Variants in LINGO1 observed in about 807,000 individuals in gnomAD.
LINGO1 encodes the protein leucine-rich repeat and immunoglobulin-like domain-containing nogo receptor-interacting protein 1.
In LINGO1, 11 loss-of-function variants were observed where a neutral mutation model predicts 37.3. That is an observed-to-expected ratio of 0.29 (90% CI 0.19 to 0.49). The LOEUF (loss-of-function observed/expected upper bound fraction) is 0.49, where lower values mean the gene tolerates loss of function less well. LINGO1 is among the 20% of genes least tolerant of loss of function. LINGO1 has a pLI of 0.99. For missense variants in LINGO1, 585 were observed against 878.2 expected (o/e 0.67, Z 4.22); for synonymous variants, 387 against 403.0 (o/e 0.96, Z 0.48).
chr15:77,636,758 G>A (rs193036437), upstream of LINGO1, among the ~76,000 whole-genome samples: 180 of 152,276 alleles, frequency 1.2e-3, no homozygotes, highest in African/African-American at 4.2e-3. Context: ...TCCAGAAGGT[G>A]GGGGCCATGT....
chr15:77,773,335 G>A (rs905525171), intron 1 of LINGO1, among the ~76,000 whole-genome samples: 3 of 152,334 alleles, frequency 2.0e-5, no homozygotes, highest in African/African-American at 7.2e-5. Context: ...AATGTGGCCA[G>A]CATGAATGAA....
intron 1 of LINGO1, among the ~76,000 whole-genome samples, chr15:77,616,400 C>A (rs990176093): frequency 1.3e-5 from 2 of 152,208 alleles, no homozygotes; most frequent in African/African-American, 2.4e-5. Flanking sequence ...CTAGCCTGCA[C>A]GGCCAGGGCT....
chr15:77,655,379 C>T (rs1359211873), intron 3 of LINGO1, among the ~76,000 whole-genome samples: 1 of 152,130 alleles, frequency 6.6e-6, no homozygotes, highest in Non-Finnish European at 1.5e-5. Context: ...TTCTTCCTCC[C>T]ATCCCACCTT....
chr15:77,721,116 G>A (rs2076045522), intron 2 of LINGO1, among the ~76,000 whole-genome samples: 1 of 152,044 alleles, frequency 6.6e-6, no homozygotes, highest in Admixed American at 6.5e-5. Context: ...AGCCAAGGTC[G>A]TTTCCTCCTG....
chr15:77,614,402 G>A lies in LINGO1; in HGVS notation c.1505C>T (p.Ala502Val), dbSNP rs751631731. The A allele has an allele frequency of 4.3e-6, 7 of 1,612,914 alleles. No homozygotes were observed. Among genetic ancestry groups the A allele is most frequent in the Admixed American group, 1.7e-5 (1 of 59,992 alleles). Reference protein sequence around the residue: ...NGTYLCIAANAGGNDSMPAHL... With the variant: ...NGTYLCIAANVGGNDSMPAHL... ...GGCGGGCATGGAGTCGTTGCCGCCCGCGTTGGCCGCGATGCACAGGTACGT... is the reference window on the plus strand; with the variant it reads ...GGCGGGCATGGAGTCGTTGCCGCCCACGTTGGCCGCGATGCACAGGTACGT... Residue 502 changes from alanine to valine, a missense_variant, in exon 2 of 2, where the codon GCG (alanine) becomes GTG (valine). Ala to Val is a moderately conservative substitution (Grantham distance 64). Coordinates refer to ENST00000355300, the MANE Select transcript of LINGO1 (RefSeq NM_032808.7).
chr15:77,630,358 T>G (rs572990430), intron 1 of LINGO1, among the ~76,000 whole-genome samples: 1 of 152,280 alleles, frequency 6.6e-6, no homozygotes, highest in East Asian at 1.9e-4. Context: ...GCACCACACA[T>G]GAGCCCTCAC....
intron 1 of LINGO1, among the ~76,000 whole-genome samples, chr15:77,817,198 G>A (rs1244369666): frequency 1.3e-5 from 2 of 152,164 alleles, no homozygotes; most frequent in Non-Finnish European, 2.9e-5. Flanking sequence ...ACTCCAGGCT[G>A]CCAGCAGGAC....
At chr15:77,699,885 G>T (rs979087150), upstream of LINGO1, among the ~76,000 whole-genome samples, 2 of 151,988 alleles carry the variant, frequency 1.3e-5, no homozygotes, top group Non-Finnish European at 2.9e-5. Flanking sequence ...AAGTTTACCT[G>T]CTAACCAGCT....
chr15:77,790,224 A>T (rs1269380631), upstream of LINGO1, among the ~76,000 whole-genome samples: 1 of 152,162 alleles, frequency 6.6e-6, no homozygotes, highest in East Asian at 1.9e-4. Context: ...GGCCCCTCAC[A>T]TTGGGACACT....
chr15:77,753,855 C>T (rs569702111), intron 1 of LINGO1, among the ~76,000 whole-genome samples: 1 of 152,210 alleles, frequency 6.6e-6, no homozygotes, highest in African/African-American at 2.4e-5. Flanking sequence ...CTGGGCATTG[C>T]CACTCACCCA....
upstream of LINGO1, among the ~76,000 whole-genome samples, chr15:77,638,636 G>A (rs1039087638): frequency 2.6e-5 from 4 of 152,138 alleles, no homozygotes; most frequent in Non-Finnish European, 4.4e-5. Context: ...AACTTAAGTC[G>A]GAGCCTGTTA....
At position 77,724,129 on chromosome 15, in the gene LINGO1, G is replaced by A. The variant is rs575261663; in HGVS notation, c.-195+10863C>T. On this transcript the variant is annotated intron_variant, in intron 2 of 3. Transcript: ENST00000561686. ...GGAGCAGGAGCGGGGAGTGGGGAGG[G>A]GGGCCCCTTCCTCTTATCCAATGGC... is the stretch of plus-strand genomic sequence containing the variant. 3.0e-3 allele frequency among the ~76,000 whole-genome samples: 450 copies of A among 152,268 alleles called. 3 individuals are homozygous for A. Among genetic ancestry groups the A allele is most frequent in the African/African-American group, 0.01 (427 of 41,534 alleles).
intron 1 of LINGO1, among the ~76,000 whole-genome samples, chr15:77,694,307 T>C (rs965889983): frequency 1.3e-5 from 2 of 152,082 alleles, no homozygotes; most frequent in African/African-American, 4.8e-5. Context: ...GTGAGGCAGA[T>C]AGGGCAGCAT....
chr15:77,632,913 A>C (rs1222519641), upstream of LINGO1, among the ~76,000 whole-genome samples: 2 of 149,468 alleles, frequency 1.3e-5, no homozygotes, highest in South Asian at 2.1e-4. The surrounding 1 kb of genome is among the most constrained non-coding windows in gnomAD (Gnocchi z 6.0). Flanking sequence ...AGGGAGCACT[A>C]GGAGCGAGCC....
At chr15:77,767,499 C>T (rs2076541900) in intron 1 of LINGO1, among the ~76,000 whole-genome samples, 1 of 152,114 alleles carries the variant, frequency 6.6e-6, no homozygotes, top group Admixed American at 6.5e-5. Flanking sequence ...ACGTGGGGTC[C>T]AGGGAGCAAG....
intron 1 of LINGO1, among the ~76,000 whole-genome samples, chr15:77,775,550 G>C (rs112929564): frequency 1.3e-5 from 2 of 152,014 alleles, no homozygotes; most frequent in East Asian, 1.9e-4. Context: ...GGAAAGCCTC[G>C]GCCCCAGCAG....
At position 77,632,386 on chromosome 15, in the gene LINGO1, C is replaced by T. The variant is rs1002721122; in HGVS notation, c.-71G>A. The stretch of plus-strand genomic sequence containing the variant: ...TCTCTCCAGCCGGCCCGACCAGGCC[C>T]CAGCCCCTGCCCAGCCCCCTCCTCC... On this transcript the variant is annotated 5_prime_UTR_variant, in exon 1 of 2. Transcript: ENST00000355300. This position sits in a 1 kb window ranked among gnomAD's most constrained non-coding sequence, Gnocchi z 6.0. The T allele has an allele frequency of 3.8e-6, 5 of 1,329,626 alleles. No individual in the cohort carries two copies. In the African/African-American group the frequency reaches 6.1e-5, roughly 16 times the overall value. 82.4% of individuals were successfully genotyped at this position (1,329,626 alleles called of 1,614,324 possible). A position where few individuals can be genotyped will look rare whatever the true frequency, so the allele number is the denominator to read the frequency against.
chr15:77,743,144 C>T (rs916111602), intron 1 of LINGO1, among the ~76,000 whole-genome samples: 5 of 152,106 alleles, frequency 3.3e-5, no homozygotes, highest in Non-Finnish European at 4.4e-5. Flanking sequence ...CTTGGCTCTC[C>T]GGACTACCCC....
chr15:77,736,847 G>A (rs1285108149), intron 1 of LINGO1, among the ~76,000 whole-genome samples: 1 of 152,192 alleles, frequency 6.6e-6, no homozygotes, highest in Non-Finnish European at 1.5e-5. Flanking sequence ...GTAGAGTGGT[G>A]ACCAGTAAGC....
Sources: gnomAD v4.1 joint callset for allele counts (sites outside exome capture counted in the v4.1 genomes callset) on GRCh38, gnomAD v4.1.1 for gene constraint, Gnocchi (gnomAD v3.1) non-coding constraint, MANE v1.5 for transcripts, NCBI Gene and HGNC (gene_info 2026-07-23, HGNC 2026-07-21) for gene names.